Variants in SYT1 observed in about 807,000 individuals in gnomAD.
The protein encoded by SYT1 is synaptotagmin-1.
In SYT1, 8 loss-of-function variants were observed where a neutral mutation model predicts 44.8. The ratio of observed to expected loss-of-function variants is 0.18; its 90% CI spans 0.10 to 0.32. The LOEUF is 0.32. Ranked by LOEUF, SYT1 falls within the 10% of genes least tolerant of loss-of-function variation. The pLI, the probability that SYT1 is intolerant of heterozygous loss-of-function variation, is 1.00. For synonymous variants in SYT1, 154 were observed against 188.8 expected (o/e 0.82, Z 1.51); for missense variants, 286 against 509.3 (o/e 0.56, Z 4.22).
chr12:79,131,818 C>T (rs1868841690), intron 3 of SYT1, among the ~76,000 whole-genome samples: 1 of 151,982 alleles, frequency 6.6e-6, no homozygotes, highest in African/African-American at 2.4e-5. Context: ...GCCCATTTTA[C>T]AAATCAGAAA....
chr12:78,966,159 A>C (rs1330194613), intron 1 of SYT1, among the ~76,000 whole-genome samples: 2 of 151,324 alleles, frequency 1.3e-5, no homozygotes, highest in South Asian at 2.1e-4. Context: ...TACTATATCT[A>C]TTTTCTGTTT....
chr12:79,368,254 T>A (rs1883634646), intron 9 of SYT1, among the ~76,000 whole-genome samples: 7 of 152,170 alleles, frequency 4.6e-5, no homozygotes, highest in Admixed American at 2.0e-4. Context: ...TGCATAGTAT[T>A]CCATGGTGTA....
intron 3 of SYT1, among the ~76,000 whole-genome samples, chr12:79,206,144 AAC>A (rs910252203): frequency 6.6e-6 from 1 of 151,268 alleles, no homozygotes; most frequent in African/African-American, 2.5e-5. Flanking sequence ...ACACAAAAAA[AAC>A]AAAAATAAAA....
At chr12:79,020,003 A>G (rs1872079759) in intron 2 of SYT1, among the ~76,000 whole-genome samples, 1 of 151,990 alleles carries the variant, frequency 6.6e-6, no homozygotes, top group Non-Finnish European at 1.5e-5. Context: ...GTCAATTTAT[A>G]TGTCAAGAGA....
intron 5 of SYT1, among the ~76,000 whole-genome samples, chr12:79,287,450 C>A (rs1376707920): frequency 6.6e-6 from 1 of 152,044 alleles, no homozygotes; most frequent in South Asian, 2.1e-4. Context: ...ATAAAGATTT[C>A]TTTAAACAAC....
At chr12:79,265,639 C>A (rs182657036) in intron 4 of SYT1, among the ~76,000 whole-genome samples, 3 of 152,078 alleles carry the variant, frequency 2.0e-5, no homozygotes, top group African/African-American at 4.8e-5. Context: ...TAATAGGAAT[C>A]ACTTTACAGA....
chr12:79,445,502 C>A (rs943725897), intron 10 of SYT1, among the ~76,000 whole-genome samples: 1 of 151,992 alleles, frequency 6.6e-6, no homozygotes, highest in Non-Finnish European at 1.5e-5. Flanking sequence ...CCTTTTATTT[C>A]TATGATATCA....
intron 3 of SYT1, among the ~76,000 whole-genome samples, chr12:79,099,685 G>A (rs1878337518): frequency 6.6e-6 from 1 of 151,754 alleles, no homozygotes; most frequent in Non-Finnish European, 1.5e-5. Context: ...TTCTGTGTCT[G>A]TGTTAAAAAC....
At position 79,303,137 on chromosome 12, in the gene SYT1, T is replaced by A. The variant is rs988069467; in HGVS notation, c.810+3586T>A. On this transcript the variant is annotated intron_variant, in intron 8 of 10. Transcript: ENST00000261205. ...CTTTATCTTTTTAGAATAATCTATT[T>A]AATATTTTGACTTAATTATTTCAAA... Among the ~76,000 whole-genome samples the A allele has an allele frequency of 2.6e-5, 4 of 152,158 alleles. No homozygotes were observed. The South Asian group carries it at 8.3e-4, about 32-fold the overall frequency.
intron 8 of SYT1, among the ~76,000 whole-genome samples, chr12:79,340,731 G>A (rs1213268476): frequency 6.6e-6 from 1 of 152,166 alleles, no homozygotes; most frequent in Non-Finnish European, 1.5e-5. Flanking sequence ...TTGCCCATTA[G>A]GGGGTGAAAC....
At chr12:79,318,910 C>A (rs548084576) in intron 8 of SYT1, among the ~76,000 whole-genome samples, 1 of 152,114 alleles carries the variant, frequency 6.6e-6, no homozygotes, top group Non-Finnish European at 1.5e-5. Context: ...TATTTTATAA[C>A]GTATTTTTGG....
At chr12:79,182,193 A>G (rs1271947495) in intron 3 of SYT1, among the ~76,000 whole-genome samples, 1 of 152,098 alleles carries the variant, frequency 6.6e-6, no homozygotes, top group Non-Finnish European at 1.5e-5. Context: ...CTGTTCTCTT[A>G]AAAGTTTCTA....
At chr12:79,312,726 G>C (rs1880870535) in intron 8 of SYT1, among the ~76,000 whole-genome samples, 1 of 146,194 alleles carries the variant, frequency 6.8e-6, no homozygotes, top group South Asian at 2.1e-4. Context: ...TTCTTATTTT[G>C]GCACCACTTT....
At chr12:79,093,102 A>G (rs2138011620) in intron 3 of SYT1, among the ~76,000 whole-genome samples, 1 of 151,848 alleles carries the variant, frequency 6.6e-6, no homozygotes, top group South Asian at 2.1e-4. Flanking sequence ...AGAAGGTTAA[A>G]CATCACTTGC....
chr12:79,077,138 A>G (rs1436619444), intron 3 of SYT1, among the ~76,000 whole-genome samples: 1 of 151,904 alleles, frequency 6.6e-6, no homozygotes, highest in African/African-American at 2.4e-5. Context: ...TGCTGCCCTG[A>G]GCTCTCTTGG....
intron 3 of SYT1, among the ~76,000 whole-genome samples, chr12:79,065,666 A>G (rs1875790362): frequency 6.6e-6 from 1 of 152,204 alleles, no homozygotes; most frequent in Admixed American, 6.5e-5. Context: ...TTATCTTGAA[A>G]CCCATCATAA....
At chr12:79,182,158 G>A (rs1872584087) in intron 3 of SYT1, among the ~76,000 whole-genome samples, 1 of 152,168 alleles carries the variant, frequency 6.6e-6, no homozygotes, top group African/African-American at 2.4e-5. Flanking sequence ...TCAAGCCCTT[G>A]TAATCCAGCT....
intron 3 of SYT1, among the ~76,000 whole-genome samples, chr12:79,078,713 G>A (rs1876828682): frequency 6.6e-6 from 1 of 151,824 alleles, no homozygotes; most frequent in Admixed American, 6.6e-5. Context: ...CCCCCAAAAG[G>A]CCCCAGTGTG....
chr12:79,272,092 T>C (rs1878457395), intron 4 of SYT1, among the ~76,000 whole-genome samples: 1 of 152,184 alleles, frequency 6.6e-6, no homozygotes, highest in Admixed American at 6.5e-5. Flanking sequence ...GAAAAGGAAG[T>C]ATTATTTAAA....
Sources: gnomAD v4.1 joint callset for allele counts (sites outside exome capture counted in the v4.1 genomes callset) on GRCh38, gnomAD v4.1.1 for gene constraint, MANE v1.5 for transcripts, NCBI Gene and HGNC (gene_info 2026-07-23, HGNC 2026-07-21) for gene names.